Variants in HHAT observed in about 807,000 individuals in gnomAD.
HHAT encodes the protein protein-cysteine N-palmitoyltransferase HHAT.
A neutral mutation model predicts 70.8 loss-of-function variants in HHAT; 47 were observed. That is an observed-to-expected ratio of 0.66 (90% CI 0.53 to 0.85). The LOEUF (loss-of-function observed/expected upper bound fraction) is 0.85. Among genes scored for constraint, HHAT ranks in the 40% least tolerant of loss-of-function variants. The pLI, the probability that HHAT is intolerant of heterozygous loss-of-function variation, is 0.00. For synonymous variants in HHAT, 228 were observed against 247.6 expected (o/e 0.92, Z 0.74); for missense variants, 609 against 604.8 (o/e 1.01, Z -0.07).
At chr1:210,476,809 A>G (rs1032996604) in intron 8 of HHAT, among the ~76,000 whole-genome samples, 33 of 152,200 alleles carry the variant, frequency 2.2e-4, no homozygotes, top group Non-Finnish European at 7.3e-5. Flanking sequence ...CTTGTTAGAA[A>G]TTCAGGATCT....
chr1:210,512,737 G>C (rs1430788567), intron 8 of HHAT, among the ~76,000 whole-genome samples: 1 of 150,032 alleles, frequency 6.7e-6, no homozygotes, highest in African/African-American at 2.5e-5. Flanking sequence ...TATTTTAAGT[G>C]AACATCTGAG....
At chr1:210,512,717 T>G (rs1244151869) in intron 8 of HHAT, among the ~76,000 whole-genome samples, 1 of 148,036 alleles carries the variant, frequency 6.8e-6, no homozygotes, top group Non-Finnish European at 1.5e-5. Flanking sequence ...TGTGTGTATA[T>G]ACATATATAT....
rs187897947 is a variant in HHAT, at chr1:210,534,840, A to G, written c.1043+21652A>G. Among the ~76,000 whole-genome samples the G allele has an allele frequency of 4.5e-3, 683 of 152,322 alleles. 4 individuals are homozygous for G. Among genetic ancestry groups the G allele is most frequent in the African/African-American group, 0.016 (660 of 41,576 alleles). ...GAATTCCCAGAGAAAGGTCAAATAT[A>G]TAGGGTCTAGATTTACCCATCACAT... On this transcript the variant is annotated intron_variant, in intron 9 of 11. Transcript: ENST00000261458.
intron 5 of HHAT, among the ~76,000 whole-genome samples, chr1:210,402,357 C>G (rs2092119342): frequency 6.6e-6 from 1 of 152,194 alleles, no homozygotes; most frequent in Admixed American, 6.5e-5. Flanking sequence ...AGCCCGGTTC[C>G]CAAACACTGC....
intron 4 of HHAT, among the ~76,000 whole-genome samples, chr1:210,397,997 T>C (rs1287469349): frequency 2.0e-5 from 3 of 152,190 alleles, no homozygotes; most frequent in South Asian, 2.1e-4. Flanking sequence ...TATTTACTTG[T>C]TTGTTTGTTA....
chr1:210,467,223 T>G (rs1383962219), intron 8 of HHAT, among the ~76,000 whole-genome samples: 1 of 152,220 alleles, frequency 6.6e-6, no homozygotes, highest in Non-Finnish European at 1.5e-5. Flanking sequence ...AGTAGTTAAA[T>G]TTAGGTATGG....
At chr1:210,443,463 C>A (rs920052699) in intron 7 of HHAT, among the ~76,000 whole-genome samples, 2 of 147,176 alleles carry the variant, frequency 1.4e-5, no homozygotes, top group Admixed American at 7.0e-5. Context: ...GATATGGATT[C>A]TTCCTACCCA....
intron 6 of HHAT, among the ~76,000 whole-genome samples, chr1:210,409,206 C>T (rs1202838257): frequency 6.6e-6 from 1 of 152,156 alleles, no homozygotes; most frequent in Non-Finnish European, 1.5e-5. Flanking sequence ...GAGAGAGATA[C>T]TGTCATGACC....
intron 3 of HHAT, among the ~76,000 whole-genome samples, chr1:210,385,341 T>C (rs2090968855): frequency 6.6e-6 from 1 of 152,018 alleles, no homozygotes; most frequent in Admixed American, 6.6e-5. Flanking sequence ...AAAAGTGGTA[T>C]TTTACTAGCA....
chr1:210,664,761 CTT>C (rs1270049322), intron 11 of HHAT, among the ~76,000 whole-genome samples: 2 of 152,202 alleles, frequency 1.3e-5, no homozygotes, highest in Non-Finnish European at 2.9e-5. Context: ...TGTGACCCCT[CTT>C]TTTGTAGCAG....
In HHAT at chr1:210,340,281, G is replaced by T. The variant is rs1476213960; in HGVS notation, c.-43-8652G>T. ...AAAAAAAAAAAAAGACTCAAGTGGG[G>T]TTTGGAGAGAATTGTGATATGGGAA... On this transcript the variant is annotated intron_variant, in intron 1 of 11. Coordinates refer to ENST00000261458, the MANE Select transcript of HHAT (RefSeq NM_018194.6). Among the ~76,000 whole-genome samples the T allele has an allele frequency of 2.7e-5, 4 of 150,140 alleles. No homozygotes were observed. The East Asian group carries it at 5.9e-4, about 22-fold the overall frequency.
At chr1:210,420,473 T>C (rs1176715356) in intron 7 of HHAT, among the ~76,000 whole-genome samples, 5 of 152,186 alleles carry the variant, frequency 3.3e-5, no homozygotes, top group African/African-American at 1.2e-4. Flanking sequence ...AGCTCATGTG[T>C]AAGGGTTTCC....
At chr1:210,447,159 A>G (rs2093652094) in intron 7 of HHAT, among the ~76,000 whole-genome samples, 1 of 152,092 alleles carries the variant, frequency 6.6e-6, no homozygotes, top group African/African-American at 2.4e-5. Context: ...AAAACCACTT[A>G]TCATCTCTGA....
chr1:210,349,116 C>A, intron 2 of HHAT, 50 bp downstream of exon 2: 1 of 1,573,752 alleles, frequency 6.4e-7, no homozygotes, highest in Admixed American at 1.9e-5. Flanking sequence ...AAACTCCTGT[C>A]AAAAAAAGGA....
intron 3 of HHAT, among the ~76,000 whole-genome samples, chr1:210,377,489 G>A (rs1461100427): frequency 6.6e-6 from 1 of 152,130 alleles, no homozygotes. Context: ...GTGGGAATAT[G>A]GCATAGACAG....
At chr1:210,357,232 GT>G (rs891984023) in intron 2 of HHAT, among the ~76,000 whole-genome samples, 13 of 151,656 alleles carry the variant, frequency 8.6e-5, no homozygotes, top group Middle Eastern at 3.4e-3. Flanking sequence ...TCAGGTAGGT[GT>G]TGGGGGTTCA....
intron 9 of HHAT, among the ~76,000 whole-genome samples, chr1:210,547,149 G>A (rs532825990): frequency 4.6e-5 from 7 of 152,164 alleles, no homozygotes; most frequent in Admixed American, 2.0e-4. Context: ...GACCAACATG[G>A]TGGAACCCCG....
intron 4 of HHAT, among the ~76,000 whole-genome samples, chr1:210,398,971 T>A (rs1207607501): frequency 6.6e-6 from 1 of 152,036 alleles, no homozygotes; most frequent in Admixed American, 6.6e-5. Context: ...TGAGCTAGAG[T>A]ATAGGTTTGG....
chr1:210,383,556 G>A (rs1462101790), intron 3 of HHAT, among the ~76,000 whole-genome samples: 1 of 152,132 alleles, frequency 6.6e-6, no homozygotes, highest in African/African-American at 2.4e-5. Context: ...TATGATAATG[G>A]TGGATATGTG....
Sources: gnomAD v4.1 joint callset for allele counts (sites outside exome capture counted in the v4.1 genomes callset) on GRCh38, gnomAD v4.1.1 for gene constraint, MANE v1.5 for transcripts, NCBI Gene and HGNC (gene_info 2026-07-23, HGNC 2026-07-21) for gene names.